The following NMT2 variants were observed in gnomAD, a reference collection of about 807,000 sequenced individuals.
The protein encoded by NMT2 is glycylpeptide N-tetradecanoyltransferase 2.
A neutral mutation model predicts 65.4 loss-of-function variants in NMT2; 35 were observed. The ratio of observed to expected loss-of-function variants is 0.54; its 90% CI spans 0.41 to 0.71. The LOEUF is 0.71. Ranked by LOEUF, NMT2 falls within the 30% of genes least tolerant of loss-of-function variation. NMT2 has a pLI of 0.00. For missense variants in NMT2, 489 were observed against 611.3 expected (o/e 0.80, Z 2.11); for synonymous variants, 226 against 231.8 (o/e 0.98, Z 0.23).
At chr10:15,115,717 C>T (rs911513608) in intron 9 of NMT2, among the ~76,000 whole-genome samples, 2 of 152,084 alleles carry the variant, frequency 1.3e-5, no homozygotes, top group African/African-American at 4.8e-5. Context: ...ACTTCAAATT[C>T]AATAACATCA....
At chr10:15,158,775 G>A (rs1183401950) in intron 1 of NMT2, among the ~76,000 whole-genome samples, 2 of 152,224 alleles carry the variant, frequency 1.3e-5, no homozygotes, top group Non-Finnish European at 1.5e-5. Context: ...CTGGAGGCTG[G>A]AAGTCCACCA....
chr10:15,117,839 T>A (rs1359349899), intron 9 of NMT2, among the ~76,000 whole-genome samples: 2 of 152,126 alleles, frequency 1.3e-5, no homozygotes, highest in African/African-American at 2.4e-5. Flanking sequence ...ATGTACAGGA[T>A]CTGGATGCTC....
In NMT2 at chr10:15,113,463, C is replaced by CAAAAAAAAAAAAA. The variant is rs1169255963; in HGVS notation, c.1171-513_1171-501dup. Among the ~76,000 whole-genome samples the CAAAAAAAAAAAAA allele has an allele frequency of 1.4e-3, 53 of 36,994 alleles. 4 individuals carry two copies. The highest frequency in any genetic ancestry group is 4.2e-3 in the African/African-American group (45 of 10,830). The allele number at this position is 36,994 out of a possible 152,430, so 24.3% of individuals were successfully genotyped here. On this transcript the variant is annotated intron_variant, in intron 9 of 11. Coordinates refer to ENST00000378165, the MANE Select transcript of NMT2 (RefSeq NM_004808.3). Reference sequence around the variant, plus strand: ...CCAGCCTGGGCGACAGGATGAGACTCAAAAAAAAAAAAAAAAAAAAAAAAA... The same window carrying CAAAAAAAAAAAAA: ...CCAGCCTGGGCGACAGGATGAGACTCAAAAAAAAAAAAAAAAAAAAAAAAAAAAAAAAAAAAAA...
intron 9 of NMT2, among the ~76,000 whole-genome samples, chr10:15,114,915 T>A (rs1000203375): frequency 6.6e-6 from 1 of 152,038 alleles, no homozygotes; most frequent in Admixed American, 6.6e-5. Context: ...AGCACAAGAA[T>A]TGCTTGAACC....
chr10:15,132,574 C>G (rs1175729505), intron 6 of NMT2, among the ~76,000 whole-genome samples: 1 of 151,974 alleles, frequency 6.6e-6, no homozygotes, highest in Non-Finnish European at 1.5e-5. Context: ...ATTACAGGTG[C>G]CTACCACCAC....
intron 8 of NMT2, among the ~76,000 whole-genome samples, chr10:15,127,698 T>A (rs1589311513): frequency 6.7e-6 from 1 of 149,746 alleles, no homozygotes; most frequent in Non-Finnish European, 1.5e-5. Flanking sequence ...AGGTCAGGAG[T>A]CTGAGGCCAG....
chr10:15,153,004 T>C (rs60403788), intron 1 of NMT2, among the ~76,000 whole-genome samples: 4,831 of 152,284 alleles, frequency 0.032, 270 homozygotes, highest in African/African-American at 0.11. Flanking sequence ...ATCCATTCAA[T>C]GCTACAATAT....
rs145788206 is a variant in NMT2 at position 15,132,793 on chromosome 10, G to T, written c.719+24C>A. 15 of 1,475,068 alleles carry T rather than the reference G, an allele frequency of 1.0e-5. No homozygotes were observed. In the Admixed American group the frequency reaches 2.5e-4, roughly 24 times the overall value. The allele number at this position is 1,475,068 out of a possible 1,614,324, so 91.4% of individuals were successfully genotyped here. A position where few individuals can be genotyped will look rare whatever the true frequency, so the allele number is the denominator to read the frequency against. On this transcript the variant is annotated intron_variant, in intron 6 of 11. Coordinates refer to ENST00000378165, the MANE Select transcript of NMT2 (RefSeq NM_004808.3). ...CTTAGAAAATAAACATATAAAAACC[G>T]CATGGACGAGCTTAAACATGTACCT...
At chr10:15,130,718 AAAAAAAAAAG>A (rs1846251200) in intron 6 of NMT2, among the ~76,000 whole-genome samples, 1 of 150,374 alleles carries the variant, frequency 6.7e-6, no homozygotes, top group Non-Finnish European at 1.5e-5. Flanking sequence ...AAAAAAAAAA[AAAAAAAAAAG>A]AAAAGAAAGA....
intron 9 of NMT2, among the ~76,000 whole-genome samples, chr10:15,117,086 CCAGA>C: frequency 6.6e-6 from 1 of 152,236 alleles, no homozygotes; most frequent in East Asian, 1.9e-4. Flanking sequence ...GATATCTAAA[CCAGA>C]CAGACATTAC....
At chr10:15,125,814 G>A (rs1846055398) in intron 8 of NMT2, among the ~76,000 whole-genome samples, 1 of 152,032 alleles carries the variant, frequency 6.6e-6, no homozygotes, top group South Asian at 2.1e-4. Context: ...CTACAGCCAT[G>A]TGCCACCATC....
At chr10:15,159,396 A>ATATTTATTTATTTATTTATT (rs112463294) in intron 1 of NMT2, among the ~76,000 whole-genome samples, 8,529 of 149,268 alleles carry the variant, frequency 0.057, 332 homozygotes, top group Non-Finnish European at 0.085. Flanking sequence ...CCTCCTTAAA[A>ATATTTATTTATTTATTTATT]TATTTATTTA....
intron 8 of NMT2, among the ~76,000 whole-genome samples, chr10:15,127,546 CAAAA>C (rs1239422956): frequency 3.9e-5 from 2 of 51,370 alleles, no homozygotes; most frequent in Non-Finnish European, 9.1e-5. Context: ...GACTCCGTCT[CAAAA>C]AAAAAAAAAA....
At chr10:15,117,710 C>T (rs73604514) in intron 9 of NMT2, among the ~76,000 whole-genome samples, 2,165 of 152,266 alleles carry the variant, frequency 0.014, 54 homozygotes, top group African/African-American at 0.05. Context: ...GATACAAACA[C>T]ACAAAAGAAA....
At position 15,108,881 on chromosome 10, in the gene NMT2, A is replaced by G; in HGVS notation, c.*314T>C. ...TCTGTAACTTCTACTTAGTCCATAG[A>G]AAAACAGTCCCTTTTCTAAGGGTGA... On this transcript the variant is annotated 3_prime_UTR_variant, in exon 12 of 12. Coordinates refer to ENST00000378165, the MANE Select transcript of NMT2 (RefSeq NM_004808.3). The G allele has an allele frequency of 8.9e-7, 1 of 1,126,838 alleles. No homozygotes were observed. Among genetic ancestry groups the G allele is most frequent in the African/African-American group, 1.7e-5 (1 of 59,884 alleles). 69.8% of individuals were successfully genotyped at this position (1,126,838 alleles called of 1,614,324 possible).
At position 15,159,875 on chromosome 10, in the gene NMT2, C is replaced by T. The variant is rs117889573; in HGVS notation, c.110+8628G>A. ...TGGGGCAGGAGAATGAGGGTCTTCC[C>T]GAGCAGAGGGCTGGGGAGATGAGGT... On this transcript the variant is annotated intron_variant, in intron 1 of 11. Transcript: ENST00000378165. Among the ~76,000 whole-genome samples, 680 of 152,268 alleles carry T rather than the reference C, an allele frequency of 4.5e-3. 3 individuals are homozygous for T. The highest frequency in any genetic ancestry group is 7.1e-3 in the Non-Finnish European group (481 of 68,022).
intron 1 of NMT2, among the ~76,000 whole-genome samples, chr10:15,149,920 T>C (rs1051508743): frequency 2.2e-4 from 33 of 152,186 alleles, no homozygotes; most frequent in Admixed American, 1.8e-3. Context: ...TTTCAGATAA[T>C]TACCAGCAAT....
intron 5 of NMT2, 26 bp downstream of exon 5, chr10:15,133,027 C>T (rs138351744): frequency 9.4e-5 from 151 of 1,606,158 alleles, no homozygotes; most frequent in East Asian, 6.7e-5. Flanking sequence ...CGCCTATCCA[C>T]GACATCTGTG....
intron 1 of NMT2, 99 bp downstream of exon 1, chr10:15,168,404 C>A (rs758101946): frequency 5.7e-6 from 5 of 870,986 alleles, no homozygotes; most frequent in Non-Finnish European, 8.9e-6. Flanking sequence ...GCGGAGCGGC[C>A]GAAGAACCCC....
Sources: allele counts gnomAD v4.1 joint callset (sites outside exome capture counted in the v4.1 genomes callset), GRCh38; gene constraint gnomAD v4.1.1; transcripts MANE v1.5; gene names NCBI Gene and HGNC (gene_info 2026-07-23, HGNC 2026-07-21).